The following EPHA5 variants were observed in gnomAD, a reference collection of about 807,000 sequenced individuals.
EPHA5 encodes the protein EPH receptor A5.
EPHA5 carries 60 observed loss-of-function variants against 105.0 expected under a neutral mutation model. That is an observed-to-expected ratio of 0.57 (90% CI 0.46 to 0.71). The LOEUF (loss-of-function observed/expected upper bound fraction) is 0.71, where lower values mean the gene tolerates loss of function less well. Ranked by LOEUF, EPHA5 falls within the 30% of genes least tolerant of loss-of-function variation. EPHA5 has a pLI of 0.00. For missense variants in EPHA5, 1,218 were observed against 1,274.7 expected (o/e 0.96, Z 0.68); for synonymous variants, 513 against 449.1 (o/e 1.14, Z -1.80).
At chr4:65,468,348 A>C (rs1450721283) in intron 5 of EPHA5, among the ~76,000 whole-genome samples, 1 of 151,462 alleles carries the variant, frequency 6.6e-6, no homozygotes, top group Non-Finnish European at 1.5e-5. Flanking sequence ...GTCACAATAT[A>C]TATTTTTTCA....
chr4:65,413,295 C>T (rs62297995), intron 7 of EPHA5, among the ~76,000 whole-genome samples: 7 of 151,820 alleles, frequency 4.6e-5, no homozygotes, highest in African/African-American at 7.3e-5. Flanking sequence ...GCACCCTTTT[C>T]TTTATAAAAT....
At chr4:65,558,205 A>C (rs1738651044) in intron 3 of EPHA5, among the ~76,000 whole-genome samples, 1 of 152,062 alleles carries the variant, frequency 6.6e-6, no homozygotes, top group African/African-American at 2.4e-5. Context: ...GTACTCAGAA[A>C]ATTTATTTCC....
rs553111082 is a variant in EPHA5 at position 65,352,715 on chromosome 4, T to A, written c.2235+327A>T. Among the ~76,000 whole-genome samples, 3 of 152,004 alleles carry A rather than the reference T, an allele frequency of 2.0e-5. No individual in the cohort carries two copies. The East Asian group carries it at 5.8e-4, about 30-fold the overall frequency. On this transcript the variant is annotated intron_variant, in intron 12 of 16. Coordinates refer to ENST00000613740, the MANE Select transcript of EPHA5 (RefSeq NM_001281766.3). ...CGAACACTTGTAAGACCTTATTTTT[T>A]CCTTTTTTCCCTTTTTACATTTCTT...
chr4:65,652,677 G>A (rs982610562), intron 1 of EPHA5, among the ~76,000 whole-genome samples: 1 of 152,030 alleles, frequency 6.6e-6, no homozygotes, highest in Non-Finnish European at 1.5e-5. Flanking sequence ...TGAATTTTAT[G>A]AGATCAATTA....
intron 3 of EPHA5, among the ~76,000 whole-genome samples, chr4:65,599,562 G>C (rs377108888): frequency 6.6e-6 from 1 of 152,086 alleles, no homozygotes; most frequent in African/African-American, 2.4e-5. Context: ...TTTGTACATA[G>C]TAAAATACCA....
At chr4:65,448,490 A>G (rs983322365) in intron 5 of EPHA5, among the ~76,000 whole-genome samples, 2 of 152,162 alleles carry the variant, frequency 1.3e-5, no homozygotes, top group African/African-American at 4.8e-5. Context: ...TCTATTAAAA[A>G]TACAAAAATT....
chr4:65,449,888 C>T (rs1263892387), intron 5 of EPHA5, among the ~76,000 whole-genome samples: 1 of 151,862 alleles, frequency 6.6e-6, no homozygotes, highest in South Asian at 2.1e-4. Flanking sequence ...ACAGGTCCTC[C>T]TTTAGTACTT....
chr4:65,324,294 G>A (rs755427914), intron 16 of EPHA5, 75 bp from the exon 17 acceptor site: 5 of 972,894 alleles, frequency 5.1e-6, no homozygotes, highest in Non-Finnish European at 8.1e-6. Context: ...TTGGCAAAGG[G>A]GCAAACATAG....
chr4:65,567,133 T>A (rs116055938), intron 3 of EPHA5, among the ~76,000 whole-genome samples: 1,650 of 151,806 alleles, frequency 0.011, 28 homozygotes, highest in African/African-American at 0.037. Flanking sequence ...CAAAAAACAA[T>A]CTTTAAGTTC....
chr4:65,337,903 A>G (rs1721335406), intron 14 of EPHA5, among the ~76,000 whole-genome samples: 1 of 152,146 alleles, frequency 6.6e-6, no homozygotes, highest in Non-Finnish European at 1.5e-5. Flanking sequence ...AAATGGTCAG[A>G]TAAATTCAAT....
chr4:65,625,519 T>G (rs1020784642), intron 2 of EPHA5, among the ~76,000 whole-genome samples: 1 of 152,164 alleles, frequency 6.6e-6, no homozygotes, highest in African/African-American at 2.4e-5. Context: ...TATCAAACAT[T>G]TAAACACTGT....
chr4:65,647,474 T>C (rs897373501), intron 1 of EPHA5, among the ~76,000 whole-genome samples: 1 of 152,114 alleles, frequency 6.6e-6, no homozygotes, highest in Non-Finnish European at 1.5e-5. Context: ...TCTTCTGTGC[T>C]ATAATTACAG....
rs372279013 is a variant in EPHA5 at position 65,630,121 on chromosome 4, G to T, written c.246+13242C>A. Among the ~76,000 whole-genome samples the T allele has an allele frequency of 2.5e-4, 38 of 150,720 alleles. 3 individuals are homozygous for T. The South Asian group carries it at 7.9e-3, about 32-fold the overall frequency. On this transcript the variant is annotated intron_variant, in intron 2 of 16. Coordinates refer to ENST00000613740, the MANE Select transcript of EPHA5 (RefSeq NM_001281766.3). Reference sequence around the variant, plus strand: ...CACACACACACACCAGGAATGTCAGGCAACCATCAGGTAATGGTCAGGTGG... The same window carrying T: ...CACACACACACACCAGGAATGTCAGTCAACCATCAGGTAATGGTCAGGTGG...
chr4:65,395,243 C>T (rs1001717885), intron 8 of EPHA5, among the ~76,000 whole-genome samples: 1 of 152,122 alleles, frequency 6.6e-6, no homozygotes, highest in African/African-American at 2.4e-5. Context: ...TCTTCTATGC[C>T]TAACTACTGT....
intron 15 of EPHA5, among the ~76,000 whole-genome samples, chr4:65,332,494 C>T (rs929352163): frequency 5.3e-5 from 8 of 151,398 alleles, no homozygotes; most frequent in African/African-American, 1.7e-4. Flanking sequence ...TTGTCCAAAT[C>T]TGTAAAATGT....
chr4:65,374,029 G>A (rs941501397), intron 8 of EPHA5, among the ~76,000 whole-genome samples: 1 of 151,952 alleles, frequency 6.6e-6, no homozygotes, highest in Non-Finnish European at 1.5e-5. Context: ...TGAGGATAAA[G>A]GGTAACATTA....
intron 1 of EPHA5, among the ~76,000 whole-genome samples, chr4:65,669,104 C>T (rs1245064254): frequency 6.6e-6 from 1 of 152,086 alleles, no homozygotes; most frequent in African/African-American, 2.4e-5. Context: ...CGTTTCCCAT[C>T]ACTGGCCTCA....
At chr4:65,411,334 A>C (rs759095932) in intron 7 of EPHA5, among the ~76,000 whole-genome samples, 34 of 152,062 alleles carry the variant, frequency 2.2e-4, no homozygotes, top group Non-Finnish European at 4.3e-4. Context: ...AAAAGCACTC[A>C]TAACATTTTA....
At chr4:65,549,219 A>G (rs1359747302) in intron 3 of EPHA5, among the ~76,000 whole-genome samples, 4 of 152,282 alleles carry the variant, frequency 2.6e-5, no homozygotes, top group Admixed American at 2.0e-4. Context: ...AGATAATAAA[A>G]TGACATCATT....
Sources: allele counts gnomAD v4.1 joint callset (sites outside exome capture counted in the v4.1 genomes callset), GRCh38; gene constraint gnomAD v4.1.1; transcripts MANE v1.5; gene names NCBI Gene and HGNC (gene_info 2026-07-23, HGNC 2026-07-21).